PON1: variants seen among roughly 807,000 people sequenced by gnomAD.
PON1 encodes serum paraoxonase/arylesterase 1.
In PON1, 37 loss-of-function variants were observed where a neutral mutation model predicts 39.2. That is an observed-to-expected ratio of 0.94 (90% CI 0.73 to 1.24). PON1 has a LOEUF of 1.24. PON1 is among the 50% of genes most tolerant of loss of function. PON1 has a pLI of 0.00. For missense variants in PON1, 397 were observed against 413.5 expected, an observed-to-expected ratio of 0.96 and a Z score of 0.35; for synonymous variants, 148 against 152.2, an observed-to-expected ratio of 0.97 and a Z score of 0.21.
intron 1 of PON1, among the ~76,000 whole-genome samples, chr7:95,323,665 A>G (rs931454907): frequency 2.0e-5 from 3 of 152,144 alleles, no homozygotes; most frequent in Non-Finnish European, 4.4e-5. Context: ...ATAGCACTTA[A>G]CCCTTTATTA....
chr7:95,318,850 C>T (rs1308042869), intron 1 of PON1, among the ~76,000 whole-genome samples: 2 of 152,174 alleles, frequency 1.3e-5, no homozygotes, highest in Non-Finnish European at 2.9e-5. Context: ...TTGAAAAATA[C>T]AGGTACGTTG....
chr7:95,309,475 G>A (rs991137526), intron 5 of PON1, among the ~76,000 whole-genome samples: 1 of 152,084 alleles, frequency 6.6e-6, no homozygotes, highest in African/African-American at 2.4e-5. Context: ...AGAGTGGAAT[G>A]GTTTAGAGCA....
In PON1 at chr7:95,308,081, G is replaced by T; in HGVS notation, c.628C>A (p.Pro210Thr). The change falls in exon 6 of 9, where the codon CCA becomes ACA. Residue 210 changes from proline to threonine, a missense_variant. Transcript: ENST00000222381. ...LAWSYVVYYS[P>T]SEVRVVAEGF... is the part of the protein sequence containing the mutation. ...TCTGCCACCACTCGAACTTCACTTG[G>T]ACTATAGTAGACAACATACGACCAC... 6.2e-7 allele frequency: 1 copy of T among 1,613,984 alleles called. No individual in the cohort carries two copies. The highest frequency in any genetic ancestry group is 8.5e-7 in the Non-Finnish European group (1 of 1,180,010).
intron 7 of PON1, among the ~76,000 whole-genome samples, chr7:95,303,013 A>G (rs1278011185): frequency 6.6e-6 from 1 of 152,170 alleles, no homozygotes; most frequent in Non-Finnish European, 1.5e-5. Flanking sequence ...ACCATTCATC[A>G]TCTTGGCTGC....
intron 5 of PON1, among the ~76,000 whole-genome samples, chr7:95,309,959 G>A (rs1402653043): frequency 6.6e-6 from 1 of 152,126 alleles, no homozygotes; most frequent in Non-Finnish European, 1.5e-5. Context: ...AGTCTCCAAT[G>A]CTGCCTAAGA....
At chr7:95,308,475 CGTGTGTGTGTGTGTGT>C (rs10548570) in intron 5 of PON1, among the ~76,000 whole-genome samples, 3 of 147,078 alleles carry the variant, frequency 2.0e-5, no homozygotes, top group Non-Finnish European at 4.5e-5. Context: ...AGTGTTACGT[CGTGTGTGTGTGTGTGT>C]GTGTGTGTGT....
At chr7:95,302,849 GA>G (rs1254830472) in intron 7 of PON1, among the ~76,000 whole-genome samples, 1 of 152,176 alleles carries the variant, frequency 6.6e-6, no homozygotes, top group Non-Finnish European at 1.5e-5. Flanking sequence ...TGTAGTTGAG[GA>G]AAAGTTTGTT....
At chr7:95,313,276 A>G (rs954446923) in intron 4 of PON1, among the ~76,000 whole-genome samples, 6 of 152,242 alleles carry the variant, frequency 3.9e-5, no homozygotes, top group African/African-American at 1.4e-4. Flanking sequence ...CATGTGCGAG[A>G]AAGTTTATTT....
At chr7:95,306,415 G>C (rs759613703) in intron 6 of PON1, 49 bp from the exon 7 acceptor site, 1 of 1,290,394 alleles carries the variant, frequency 7.7e-7, no homozygotes, top group East Asian at 2.3e-5. Flanking sequence ...AACACAACTT[G>C]AGAGATTAAG....
chr7:95,315,567 G>C (rs1460186984), intron 3 of PON1, 77 bp from the exon 4 acceptor site: 2 of 1,471,186 alleles, frequency 1.4e-6, no homozygotes, highest in Non-Finnish European at 1.9e-6. Context: ...CATGGCCCAT[G>C]GGTTCATGTT....
chr7:95,323,264 CA>C (rs1807940076), intron 1 of PON1, among the ~76,000 whole-genome samples: 1 of 152,114 alleles, frequency 6.6e-6, no homozygotes, highest in African/African-American at 2.4e-5. Flanking sequence ...CTCAGCAACC[CA>C]TCCTTTATCT....
chr7:95,304,386 A>G (rs1807497846), intron 7 of PON1, among the ~76,000 whole-genome samples: 1 of 140,602 alleles, frequency 7.1e-6, no homozygotes, highest in African/African-American at 2.8e-5. Flanking sequence ...AGACTGGAGT[A>G]CAATGGTGTG....
intron 1 of PON1, among the ~76,000 whole-genome samples, chr7:95,320,035 G>A (rs1807861155): frequency 1.3e-5 from 2 of 152,192 alleles, no homozygotes; most frequent in South Asian, 2.1e-4. Context: ...TTTGTAGCAT[G>A]CCCTCAAGGA....
Position 95,311,456 on chromosome 7 carries a change from C to T in PON1, c.492G>A (p.Leu164=). The T allele has an allele frequency of 1.9e-6, 3 of 1,613,902 alleles. No homozygotes were observed. The highest frequency in any genetic ancestry group is 2.5e-6 in the Non-Finnish European group (3 of 1,179,868). Residue 164 remains leucine, a synonymous_variant, in exon 5 of 9, where the codon CTG becomes CTA. Transcript: ENST00000222381. ...LHLKTIRHKL[L]PNLNDIVAVG... Reference sequence around the variant, plus strand: ...AATGTGATATATCTCAGTACTTAGGCAGAAGTTTATGTCTGATGGTTTTTA... The same window carrying T: ...AATGTGATATATCTCAGTACTTAGGTAGAAGTTTATGTCTGATGGTTTTTA...
chr7:95,305,210 G>C (rs1270011053), intron 7 of PON1, among the ~76,000 whole-genome samples: 1 of 152,158 alleles, frequency 6.6e-6, no homozygotes, highest in Admixed American at 6.5e-5. Context: ...CGCTGACAGT[G>C]CTTCCTGCAG....
chr7:95,301,772 TC>T (rs1807427085), intron 8 of PON1, among the ~76,000 whole-genome samples: 1 of 151,748 alleles, frequency 6.6e-6, no homozygotes, highest in African/African-American at 2.4e-5. Context: ...TCTATCCATG[TC>T]CCCCCTTTTA....
At chr7:95,321,074 G>A (rs577346236) in intron 1 of PON1, among the ~76,000 whole-genome samples, 1 of 152,328 alleles carries the variant, frequency 6.6e-6, no homozygotes, top group Admixed American at 6.5e-5. Flanking sequence ...AGAGAAGCCA[G>A]TACTCACAGA....
intron 7 of PON1, 160 bp from the exon 8 acceptor site, chr7:95,302,493 C>A: frequency 1.5e-6 from 1 of 653,112 alleles, no homozygotes; most frequent in Non-Finnish European, 2.6e-6. Context: ...CACAAAATTT[C>A]TCTGACCTTT....
At chr7:95,306,459 T>G (rs1585693865) in intron 6 of PON1, 93 bp from the exon 7 acceptor site, 1 of 944,990 alleles carries the variant, frequency 1.1e-6, no homozygotes, top group East Asian at 2.4e-5. Context: ...AGGGAAGAAC[T>G]TTGCTTAAGG....
Sources: allele counts gnomAD v4.1 joint callset (sites outside exome capture counted in the v4.1 genomes callset), GRCh38; gene constraint gnomAD v4.1.1; transcripts MANE v1.5; gene names NCBI Gene and HGNC (gene_info 2026-07-23, HGNC 2026-07-21).